TMEM232: variants seen among roughly 807,000 people sequenced by gnomAD.
TMEM232 encodes transmembrane protein 232.
A neutral mutation model predicts 78.8 loss-of-function variants in TMEM232; 80 were observed. The ratio of observed to expected loss-of-function variants is 1.01; its 90% CI spans 0.85 to 1.22. TMEM232 has a LOEUF of 1.22. Ranked by LOEUF, TMEM232 falls within the 50% of genes most tolerant of loss-of-function variation. The pLI is 0.00. For missense variants in TMEM232, 881 were observed against 742.2 expected, an observed-to-expected ratio of 1.19 and a Z score of -2.17; for synonymous variants, 297 against 254.3, an observed-to-expected ratio of 1.17 and a Z score of -1.60.
chr5:110,640,548 T>A (rs1007260246), intron 4 of TMEM232, among the ~76,000 whole-genome samples: 4 of 152,098 alleles, frequency 2.6e-5, no homozygotes, highest in African/African-American at 9.7e-5. Flanking sequence ...TAAGTAATAA[T>A]TATAAAATGA....
intron 12 of TMEM232, among the ~76,000 whole-genome samples, chr5:110,516,128 A>G (rs1010698988): frequency 1.3e-5 from 2 of 151,964 alleles, no homozygotes; most frequent in South Asian, 2.1e-4. Context: ...AGTCCCAGCT[A>G]CTCAGGAGGC....
intron 1 of TMEM232, among the ~76,000 whole-genome samples, chr5:110,700,177 G>A (rs1244797056): frequency 6.6e-6 from 1 of 152,038 alleles, no homozygotes; most frequent in African/African-American, 2.4e-5. Context: ...TTGCTGGTCA[G>A]TCTAAAGTCC....
At chr5:110,575,327 G>A (rs1777454471) in intron 10 of TMEM232, among the ~76,000 whole-genome samples, 1 of 151,910 alleles carries the variant, frequency 6.6e-6, no homozygotes, top group African/African-American at 2.4e-5. Flanking sequence ...AGGTAATATG[G>A]AAAACCAAAC....
chr5:110,640,636 A>G (rs1194357989), intron 4 of TMEM232, among the ~76,000 whole-genome samples: 2 of 152,178 alleles, frequency 1.3e-5, no homozygotes, highest in Non-Finnish European at 2.9e-5. Flanking sequence ...GTTTTTAATT[A>G]GTTGCTAATT....
intron 12 of TMEM232, among the ~76,000 whole-genome samples, chr5:110,496,269 A>T (rs1007459652): frequency 1.3e-5 from 2 of 151,976 alleles, no homozygotes; most frequent in Non-Finnish European, 2.9e-5. Flanking sequence ...ATGATCGTTA[A>T]TGCAGTTTTA....
At chr5:110,595,895 G>A (rs1780100651) in intron 10 of TMEM232, among the ~76,000 whole-genome samples, 1 of 152,064 alleles carries the variant, frequency 6.6e-6, no homozygotes, top group East Asian at 1.9e-4. Context: ...AGTAAGAGAG[G>A]CCAACATGCA....
intron 1 of TMEM232, among the ~76,000 whole-genome samples, chr5:110,687,156 A>G (rs1793519058): frequency 6.6e-6 from 1 of 152,160 alleles, no homozygotes; most frequent in Non-Finnish European, 1.5e-5. Flanking sequence ...GAGTTTGAAT[A>G]GTGCTGCCTC....
chr5:110,597,805 A>G (rs1282248784), intron 10 of TMEM232, among the ~76,000 whole-genome samples: 2 of 152,204 alleles, frequency 1.3e-5, no homozygotes, highest in African/African-American at 4.8e-5. Context: ...AAAACTGGCT[A>G]GCCATAAGTA....
intron 10 of TMEM232, among the ~76,000 whole-genome samples, chr5:110,603,155 G>C (rs1164724599): frequency 2.6e-5 from 4 of 152,080 alleles, no homozygotes; most frequent in African/African-American, 9.7e-5. Context: ...TTGGGGGCAA[G>C]GGAAGGGAGA....
At chr5:110,478,286 A>G (rs1763472190) in intron 12 of TMEM232, among the ~76,000 whole-genome samples, 1 of 152,110 alleles carries the variant, frequency 6.6e-6, no homozygotes, top group South Asian at 2.1e-4. Context: ...TTAAACCTTA[A>G]GCCAGATAAT....
intron 1 of TMEM232, among the ~76,000 whole-genome samples, chr5:110,680,688 C>T (rs1214111664): frequency 2.6e-5 from 4 of 151,660 alleles, no homozygotes; most frequent in South Asian, 4.2e-4. Context: ...GATGAGCATG[C>T]TAGATATGTC....
intron 5 of TMEM232, among the ~76,000 whole-genome samples, chr5:110,635,218 A>G (rs565278003): frequency 6.6e-6 from 1 of 152,160 alleles, no homozygotes; most frequent in Non-Finnish European, 1.5e-5. Flanking sequence ...AGAAAAGTCC[A>G]GTACTAGATG....
chr5:110,533,579 C>T (rs992469732), intron 11 of TMEM232, among the ~76,000 whole-genome samples: 17 of 152,330 alleles, frequency 1.1e-4, no homozygotes, highest in Admixed American at 1.0e-3. Context: ...AATCTGTTTT[C>T]TTCCTCACAC....
chr5:110,559,230 C>T (rs975802614), intron 11 of TMEM232, among the ~76,000 whole-genome samples: 1 of 152,054 alleles, frequency 6.6e-6, no homozygotes, highest in African/African-American at 2.4e-5. Context: ...CTAATCTTAA[C>T]CATTTTTCCC....
chr5:110,574,218 T>C (rs1419189797), intron 10 of TMEM232, among the ~76,000 whole-genome samples: 2 of 152,126 alleles, frequency 1.3e-5, no homozygotes, highest in Non-Finnish European at 2.9e-5. Flanking sequence ...CTTTGTATTA[T>C]AGCTTTTTAA....
chr5:110,624,004 C>T (rs1784100007), intron 7 of TMEM232, among the ~76,000 whole-genome samples: 1 of 152,096 alleles, frequency 6.6e-6, no homozygotes, highest in Admixed American at 6.6e-5. Context: ...CTTCCATTTG[C>T]TTGCTGTGTG....
At chr5:110,716,800 T>A (rs570475628) in intron 1 of TMEM232, among the ~76,000 whole-genome samples, 10 of 152,266 alleles carry the variant, frequency 6.6e-5, no homozygotes, top group African/African-American at 2.2e-4. Context: ...AACAGTTCTG[T>A]ACTGGTGCTG....
intron 1 of TMEM232, among the ~76,000 whole-genome samples, chr5:110,711,068 T>A (rs1210045247): frequency 6.6e-6 from 1 of 152,222 alleles, no homozygotes; most frequent in Non-Finnish European, 1.5e-5. Flanking sequence ...TCAGTAAAGT[T>A]GCAGAATACA....
intron 1 of TMEM232, among the ~76,000 whole-genome samples, chr5:110,723,620 T>C (rs913290463): frequency 1.3e-5 from 2 of 152,186 alleles, no homozygotes; most frequent in Non-Finnish European, 2.9e-5. Context: ...ATATACATTA[T>C]CATCTATACT....
Sources: allele counts gnomAD v4.1 joint callset (sites outside exome capture counted in the v4.1 genomes callset), GRCh38; gene constraint gnomAD v4.1.1; transcripts MANE v1.5; gene names NCBI Gene and HGNC (gene_info 2026-07-23, HGNC 2026-07-21).